The following IL1RAPL1 variants were observed in gnomAD, a reference collection of about 807,000 sequenced individuals.
The protein encoded by IL1RAPL1 is interleukin-1 receptor accessory protein-like 1.
IL1RAPL1 carries 3 observed loss-of-function variants against 48.4 expected under a neutral mutation model. The observed-to-expected ratio is 0.06, with a 90% CI of 0.03 to 0.16. IL1RAPL1 has a LOEUF of 0.16. IL1RAPL1 is among the 10% of genes least tolerant of loss of function. The pLI, the probability that IL1RAPL1 is intolerant of heterozygous loss-of-function variation, is 1.00. For missense variants in IL1RAPL1, 349 were observed against 530.6 expected (o/e 0.66, Z 3.36); for synonymous variants, 185 against 187.7 (o/e 0.99, Z 0.12).
chrX:29,231,812 T>C (rs1372727922), intron 2 of IL1RAPL1, among the ~76,000 whole-genome samples: 1 of 112,135 alleles, frequency 8.9e-6, no homozygotes, highest in Non-Finnish European at 1.9e-5. Flanking sequence ...AAAGCTGTCA[T>C]TTTCTAACTC....
intron 2 of IL1RAPL1, among the ~76,000 whole-genome samples, chrX:28,827,681 G>T (rs1430985000): frequency 9.0e-6 from 1 of 111,374 alleles, no homozygotes. Context: ...TCATTTATTT[G>T]TACTTACAGC....
chrX:28,819,981 T>G lies in IL1RAPL1; in HGVS notation c.82+30556T>G, dbSNP rs1239226158. Among the ~76,000 whole-genome samples the G allele has an allele frequency of 1.3e-3, 83 of 64,967 alleles. 1 individual carries two copies. The highest frequency in any genetic ancestry group is 5.7e-3 in the East Asian group (11 of 1,932). 56.4% of individuals were successfully genotyped at this position (64,967 alleles called of 115,157 possible). A position where few individuals can be genotyped will look rare whatever the true frequency, so the allele number is the denominator to read the frequency against. On this transcript the variant is annotated intron_variant, in intron 2 of 10. Transcript: ENST00000378993. ...ATAAACATAGTGATATATATATATA[T>G]ATATATATATATATATATATATATA...
chrX:29,855,157 T>G (rs992321189), intron 6 of IL1RAPL1, among the ~76,000 whole-genome samples: 4 of 111,714 alleles, frequency 3.6e-5, no homozygotes, highest in African/African-American at 1.3e-4. Flanking sequence ...ATAAAAGGAT[T>G]TGTGTTTATT....
intron 6 of IL1RAPL1, among the ~76,000 whole-genome samples, chrX:29,822,600 T>C (rs1390801365): frequency 1.8e-5 from 2 of 110,784 alleles, no homozygotes; most frequent in Non-Finnish European, 3.8e-5. Context: ...TATGTTTTTG[T>C]AAGTGAGATG....
At chrX:29,046,032 T>TCTCCTCCTC (rs201916310) in intron 2 of IL1RAPL1, among the ~76,000 whole-genome samples, 1 of 85,985 alleles carries the variant, frequency 1.2e-5, no homozygotes, top group Non-Finnish European at 2.3e-5. Context: ...TTCCTCTTCT[T>TCTCCTCCTC]CTCCTCCTCC....
intron 2 of IL1RAPL1, among the ~76,000 whole-genome samples, chrX:29,262,602 G>A (rs1191789316): frequency 9.1e-6 from 1 of 109,313 alleles, no homozygotes; most frequent in East Asian, 2.9e-4. Context: ...GACGGAGGTT[G>A]CAGTGAGCTG....
chrX:29,259,578 A>G (rs1226359018), intron 2 of IL1RAPL1, among the ~76,000 whole-genome samples: 1 of 111,388 alleles, frequency 9.0e-6, no homozygotes, highest in Non-Finnish European at 1.9e-5. Context: ...TGAAAAAAAC[A>G]TATAAGATTA....
In IL1RAPL1 at chrX:29,549,417, G is replaced by A. The variant is rs60083850; in HGVS notation, c.704-119013G>A. Among the ~76,000 whole-genome samples, 253 of 110,989 alleles carry A rather than the reference G, an allele frequency of 2.3e-3. 2 individuals carry two copies. Among genetic ancestry groups the A allele is most frequent in the African/African-American group, 7.9e-3 (241 of 30,542 alleles). On this transcript the variant is annotated intron_variant, in intron 5 of 10. Transcript: ENST00000378993. ...CTCAAAGCACAAGTACAGTGATGCC[G>A]GCATACTGTTGTAATTGATCTATTT...
At chrX:29,109,296 CT>C (rs1284553812) in intron 2 of IL1RAPL1, among the ~76,000 whole-genome samples, 75 of 90,452 alleles carry the variant, frequency 8.3e-4, no homozygotes, top group African/African-American at 2.4e-3. Flanking sequence ...AGTACCTGTT[CT>C]TTTTTTTTTT....
intron 6 of IL1RAPL1, among the ~76,000 whole-genome samples, chrX:29,826,226 T>A (rs948782843): frequency 1.8e-5 from 2 of 111,263 alleles, no homozygotes; most frequent in Non-Finnish European, 3.8e-5. Context: ...TGGCCATTTC[T>A]ATAAAAGCTG....
chrX:29,889,758 GA>G (rs1393319479), intron 6 of IL1RAPL1, among the ~76,000 whole-genome samples: 2 of 111,376 alleles, frequency 1.8e-5, no homozygotes, highest in Non-Finnish European at 3.8e-5. Flanking sequence ...GAAACATACA[GA>G]AAAAACTGTT....
At chrX:29,255,144 T>TGC (rs1331957698) in intron 2 of IL1RAPL1, among the ~76,000 whole-genome samples, 83 of 65,050 alleles carry the variant, frequency 1.3e-3, no homozygotes, top group African/African-American at 3.5e-3. Flanking sequence ...TGTGTGTGCG[T>TGC]GTGTGTGTGT....
At chrX:29,872,370 C>T (rs2147210052) in intron 6 of IL1RAPL1, among the ~76,000 whole-genome samples, 1 of 111,973 alleles carries the variant, frequency 8.9e-6, no homozygotes, top group Non-Finnish European at 1.9e-5. Flanking sequence ...GAGAAAGCAG[C>T]TCATTGAGGC....
chrX:29,892,080 A>G (rs1932284739), intron 6 of IL1RAPL1, among the ~76,000 whole-genome samples: 1 of 112,266 alleles, frequency 8.9e-6, no homozygotes, highest in Admixed American at 9.5e-5. Context: ...TTGATTACAT[A>G]TCACGTTTTC....
chrX:29,012,978 T>C (rs963486776), intron 2 of IL1RAPL1, among the ~76,000 whole-genome samples: 10 of 111,698 alleles, frequency 9.0e-5, no homozygotes, highest in Admixed American at 2.9e-4. Flanking sequence ...CATTAAAGAA[T>C]TGTAACAGGA....
chrX:29,640,756 C>T (rs1184091774), intron 5 of IL1RAPL1, among the ~76,000 whole-genome samples: 4 of 112,351 alleles, frequency 3.6e-5, no homozygotes, highest in Non-Finnish European at 5.6e-5. Flanking sequence ...CTCATCTGGA[C>T]GATTGTAATT....
At chrX:29,790,277 T>C (rs1205984176) in intron 6 of IL1RAPL1, among the ~76,000 whole-genome samples, 2 of 112,230 alleles carry the variant, frequency 1.8e-5, no homozygotes, top group Non-Finnish European at 3.8e-5. Context: ...TCCCTGTTTT[T>C]TGTGTAGGTT....
chrX:29,067,114 A>G (rs1927467204), intron 2 of IL1RAPL1, among the ~76,000 whole-genome samples: 1 of 111,387 alleles, frequency 9.0e-6, no homozygotes, highest in Non-Finnish European at 1.9e-5. Context: ...TTTGTTTTTA[A>G]TAATTGTCAG....
At chrX:29,722,115 T>C (rs1927651202) in intron 6 of IL1RAPL1, among the ~76,000 whole-genome samples, 1 of 111,816 alleles carries the variant, frequency 8.9e-6, no homozygotes, top group African/African-American at 3.3e-5. Context: ...GATATACATG[T>C]ACATAGTGAA....
Sources: allele counts gnomAD v4.1 joint callset (sites outside exome capture counted in the v4.1 genomes callset), GRCh38; gene constraint gnomAD v4.1.1; transcripts MANE v1.5; gene names NCBI Gene and HGNC (gene_info 2026-07-23, HGNC 2026-07-21).